ARL1: variants seen among roughly 807,000 people sequenced by gnomAD.
ARL1 encodes the protein ARF like GTPase 1.
Under a neutral mutation model 30.1 loss-of-function variants are expected in ARL1, and 17 were observed. The observed-to-expected ratio is 0.56, with a 90% CI of 0.39 to 0.85. The LOEUF (loss-of-function observed/expected upper bound fraction) is 0.85. ARL1 is among the 40% of genes least tolerant of loss of function. The pLI is 0.00. For synonymous variants in ARL1, 58 were observed against 71.7 expected, an observed-to-expected ratio of 0.81 and a Z score of 0.97; for missense variants, 102 against 212.6, an observed-to-expected ratio of 0.48 and a Z score of 3.24.
chr12:101,406,106 G>A (rs570113609), intron 1 of ARL1, 125 bp from the exon 2 acceptor site: 1 of 746,240 alleles, frequency 1.3e-6, no homozygotes, highest in Non-Finnish European at 2.1e-6. Context: ...GGATGCGTAG[G>A]TGCATATTTT....
chr12:101,407,415 T>C (rs1871475744), intron 1 of ARL1: 1 of 542,498 alleles, frequency 1.8e-6, no homozygotes, highest in Non-Finnish European at 3.2e-6. Context: ...TCCGGGTCCC[T>C]GGACCCCGCA....
intron 2 of ARL1, among the ~76,000 whole-genome samples, chr12:101,404,360 G>C (rs1341815571): frequency 6.6e-6 from 1 of 152,178 alleles, no homozygotes; most frequent in Non-Finnish European, 1.5e-5. Flanking sequence ...CTGCACTCCA[G>C]CCTGGGCAAA....
intron 4 of ARL1, 38 bp from the exon 5 acceptor site, chr12:101,396,615 A>C (rs766462105): frequency 6.4e-7 from 1 of 1,552,938 alleles, no homozygotes; most frequent in South Asian, 1.2e-5. Flanking sequence ...CTTTTAACTA[A>C]TGTGCTCTCT....
chr12:101,405,265 C>T (rs1871407859), intron 2 of ARL1, among the ~76,000 whole-genome samples: 1 of 152,110 alleles, frequency 6.6e-6, no homozygotes, highest in South Asian at 2.1e-4. Context: ...CTAAGATAAA[C>T]TAATCTTAAT....
rs1203677627 is a variant in ARL1, at chr12:101,394,902, A to G, written c.*738T>C. 2 of 152,144 alleles carry G rather than the reference A, an allele frequency of 1.3e-5. No homozygotes were observed. The highest frequency in any genetic ancestry group is 2.9e-5 in the Non-Finnish European group (2 of 68,020). 9.4% of individuals were successfully genotyped at this position (152,144 alleles called of 1,614,324 possible). ...ACTTTGAGCCCTATTCCTACCTTAC[A>G]AGCTAGCAGGTGACCTTGGGCAAGC... is the stretch of plus-strand genomic sequence containing the variant. On this transcript the variant is annotated 3_prime_UTR_variant, in exon 6 of 6. Transcript: ENST00000261636.
In ARL1 at chr12:101,395,579, A is replaced by G; in HGVS notation, c.*61T>C. ...CATCTAGTAGTGTGAAGTACACTTG[A>G]CTGTTTCCAAAGGGAGAGAGGTGAT... On this transcript the variant is annotated 3_prime_UTR_variant, in exon 6 of 6. Coordinates refer to ENST00000261636, the MANE Select transcript of ARL1 (RefSeq NM_001177.6). 7.4e-7 allele frequency: 1 copy of G among 1,359,718 alleles called. No individual in the cohort carries two copies. Among genetic ancestry groups the G allele is most frequent in the Non-Finnish European group, 1.0e-6 (1 of 968,022 alleles). The allele number at this position is 1,359,718 out of a possible 1,614,324, so 84.2% of individuals were successfully genotyped here.
intron 2 of ARL1, among the ~76,000 whole-genome samples, chr12:101,404,883 T>C (rs1290232195): frequency 6.6e-6 from 1 of 152,208 alleles, no homozygotes; most frequent in Admixed American, 6.5e-5. Context: ...TACACATATA[T>C]ATTTTGAGAC....
At chr12:101,401,940 G>A (rs1183608744) in intron 3 of ARL1, among the ~76,000 whole-genome samples, 1 of 151,992 alleles carries the variant, frequency 6.6e-6, no homozygotes, top group Admixed American at 6.6e-5. Context: ...AAACTCAAAA[G>A]TGATTCAATG....
chr12:101,395,521 A>C lies in ARL1; in HGVS notation c.*119T>G. The C allele has an allele frequency of 1.4e-6, 1 of 733,236 alleles. No homozygotes were observed. The highest frequency in any genetic ancestry group is 1.8e-5 in the African/African-American group (1 of 55,844). 45.4% of individuals were successfully genotyped at this position (733,236 alleles called of 1,614,324 possible). A position where few individuals can be genotyped will look rare whatever the true frequency, so the allele number is the denominator to read the frequency against. ...CCTATTTACTACAAATATTGCAGTC[A>C]GTCAGTATATGCCAATAATCATATA... On this transcript the variant is annotated 3_prime_UTR_variant, in exon 6 of 6. Transcript: ENST00000261636.
rs1202689359 is a variant in ARL1, at chr12:101,394,642, A to T, written c.*998T>A. On this transcript the variant is annotated 3_prime_UTR_variant, in exon 6 of 6. Coordinates refer to ENST00000261636, the MANE Select transcript of ARL1 (RefSeq NM_001177.6). ...AAAATAGATTTTTAAACCTTCCTTT[A>T]ATGTGAAATTTTCTCTTTAATGTGT... 6.6e-6 allele frequency: 1 copy of T among 152,214 alleles called. No homozygotes were observed. Among genetic ancestry groups the T allele is most frequent in the Non-Finnish European group, 1.5e-5 (1 of 68,036 alleles). The allele number at this position is 152,214 out of a possible 1,614,324, so 9.4% of individuals were successfully genotyped here. A position where few individuals can be genotyped will look rare whatever the true frequency, so the allele number is the denominator to read the frequency against.
chr12:101,396,153 G>A (rs770568022), intron 5 of ARL1: 7 of 608,026 alleles, frequency 1.2e-5, no homozygotes, highest in Non-Finnish European at 1.7e-5. Flanking sequence ...AGGGTGAGGT[G>A]AGGCAGGGAA....
chr12:101,406,001 A>T lies in ARL1; in HGVS notation c.5-20T>A. The T allele has an allele frequency of 6.5e-7, 1 of 1,541,688 alleles. No homozygotes were observed. Among genetic ancestry groups the T allele is most frequent in the Non-Finnish European group, 8.8e-7 (1 of 1,142,590 alleles). On this transcript the variant is annotated intron_variant, in intron 1 of 5. Transcript: ENST00000261636. ...AGCCACCTAAAAAATAATAAAAGAA[A>T]AAACATACACAATGTCATTTTGTGA...
At chr12:101,406,204 G>GGCACAGAAGATAAACCAAA (rs1190966106) in intron 1 of ARL1, among the ~76,000 whole-genome samples, 4 of 152,160 alleles carry the variant, frequency 2.6e-5, no homozygotes, top group African/African-American at 9.7e-5. Flanking sequence ...GTGTCATGCA[G>GGCACAGAAGATAAACCAAA]GCACAGAAGA....
chr12:101,397,433 G>C (rs1307711664), intron 4 of ARL1, among the ~76,000 whole-genome samples: 1 of 151,886 alleles, frequency 6.6e-6, no homozygotes, highest in African/African-American at 2.4e-5. Context: ...GGAGCTCAAG[G>C]TTATAACAAG....
In ARL1 at chr12:101,395,502, TA is replaced by T. The variant is rs1226137404; in HGVS notation, c.*137del. ...CAACTAAATACTTATTTTCCCTATT[TA>T]CTACAAATATTGCAGTCAGTCAGTA... On this transcript the variant is annotated 3_prime_UTR_variant, in exon 6 of 6. Transcript: ENST00000261636. The T allele has an allele frequency of 8.0e-6, 5 of 621,232 alleles. No individual in the cohort carries two copies. The East Asian group carries it at 1.5e-4, about 18-fold the overall frequency. The allele number at this position is 621,232 out of a possible 1,614,324, so 38.5% of individuals were successfully genotyped here. A position where few individuals can be genotyped will look rare whatever the true frequency, so the allele number is the denominator to read the frequency against.
rs1565815506 is a variant in ARL1 at position 101,401,079 on chromosome 12, A to G, written c.319T>C (p.Leu107=). The change falls in exon 4 of 6, where the codon TTA becomes CTA. Residue 107 remains leucine, a synonymous_variant. Coordinates refer to ENST00000261636, the MANE Select transcript of ARL1 (RefSeq NM_001177.6). The part of the protein sequence containing the change: ...RDRIGISKSE[L]VAMLEEEELR... ...TTTCTTACCTCCAACATGGCAACTA[A>G]CTCTGATTTGGAAATGCCAATTCGG... is the stretch of plus-strand genomic sequence containing the variant. 1 of 1,613,154 alleles carries G rather than the reference A, an allele frequency of 6.2e-7. No homozygotes were observed. Among genetic ancestry groups the G allele is most frequent in the East Asian group, 2.2e-5 (1 of 44,860 alleles).
Position 101,401,051 on chromosome 12 carries a change from C to T in ARL1, c.336+11G>A, listed in dbSNP as rs779890786. 22 of 1,588,126 alleles carry T rather than the reference C, an allele frequency of 1.4e-5. No individual in the cohort carries two copies. Among genetic ancestry groups the T allele is most frequent in the African/African-American group, 1.2e-4 (9 of 74,328 alleles). The stretch of plus-strand genomic sequence containing the variant: ...ACTGCCCCACATTTTAAAGTGGTTA[C>T]GTTTTCTTACCTCCAACATGGCAAC... On this transcript the variant is annotated intron_variant, in intron 4 of 5. Coordinates refer to ENST00000261636, the MANE Select transcript of ARL1 (RefSeq NM_001177.6).
At chr12:101,401,507 G>A in intron 3 of ARL1, 1 of 156,822 alleles carries the variant, frequency 6.4e-6, no homozygotes, top group Non-Finnish European at 1.4e-5. Context: ...ATGGTGGCAG[G>A]TGCCTGTAAT....
chr12:101,405,983 T>C lies in ARL1; in HGVS notation c.5-2A>G. The C allele has an allele frequency of 6.5e-7, 1 of 1,549,852 alleles. No individual in the cohort carries two copies. Among genetic ancestry groups the C allele is most frequent in the Non-Finnish European group, 8.7e-7 (1 of 1,148,142 alleles). On this transcript the variant is annotated splice_acceptor_variant, in intron 1 of 5. Coordinates refer to ENST00000261636, the MANE Select transcript of ARL1 (RefSeq NM_001177.6). LOFTEE classifies it high-confidence loss of function. ...AAAATATACTTGAGAAAAAGCCACC[T>C]AAAAAATAATAAAAGAAAAAACATA...
Sources: gnomAD v4.1 joint callset for allele counts (sites outside exome capture counted in the v4.1 genomes callset) on GRCh38, gnomAD v4.1.1 for gene constraint, MANE v1.5 for transcripts, NCBI Gene and HGNC (gene_info 2026-07-23, HGNC 2026-07-21) for gene names.